The following STK33 variants were observed in gnomAD, a reference collection of about 807,000 sequenced individuals.
The protein encoded by STK33 is serine/threonine kinase 33.
Under a neutral mutation model 58.0 loss-of-function variants are expected in STK33, and 52 were observed. The observed-to-expected ratio is 0.90, with a 90% CI of 0.72 to 1.13. STK33 has a LOEUF of 1.13. Among genes scored for constraint, STK33 ranks in the 50% most tolerant of loss-of-function variants. The pLI is 0.00. For missense variants in STK33, 630 were observed against 604.2 expected, an observed-to-expected ratio of 1.04 and a Z score of -0.45; for synonymous variants, 215 against 200.1, an observed-to-expected ratio of 1.07 and a Z score of -0.63.
intron 1 of STK33, among the ~76,000 whole-genome samples, chr11:8,543,883 C>T (rs983152500): frequency 6.6e-6 from 1 of 151,976 alleles, no homozygotes; most frequent in African/African-American, 2.4e-5. Context: ...TATGTACTCA[C>T]AAAAATTAAA....
At chr11:8,347,943 A>G in the STK33 span, among the ~76,000 whole-genome samples, 3 of 152,178 alleles carry the variant, frequency 2.0e-5, no homozygotes, top group African/African-American at 7.2e-5. Flanking sequence ...CACTGCCTGG[A>G]TGGTGCATCC....
chr11:8,382,339 G>T, the STK33 span, among the ~76,000 whole-genome samples: 1 of 152,198 alleles, frequency 6.6e-6, no homozygotes, highest in Non-Finnish European at 1.5e-5. Flanking sequence ...GGGAGCAGAA[G>T]CCCTGGAAAT....
intron 1 of STK33, among the ~76,000 whole-genome samples, chr11:8,586,518 A>G (rs1304173675): frequency 3.3e-5 from 5 of 152,054 alleles, no homozygotes; most frequent in Non-Finnish European, 4.4e-5. Flanking sequence ...CACCTGCCTC[A>G]GGGGATTATA....
At chr11:8,426,635 G>T (rs1026839147) in intron 14 of STK33, among the ~76,000 whole-genome samples, 1 of 152,040 alleles carries the variant, frequency 6.6e-6, no homozygotes, top group Non-Finnish European at 1.5e-5. Flanking sequence ...TATTTATTTT[G>T]TGTTTTTTTC....
At chr11:8,493,162 G>C (rs1950768967) in intron 1 of STK33, among the ~76,000 whole-genome samples, 1 of 151,972 alleles carries the variant, frequency 6.6e-6, no homozygotes, top group Non-Finnish European at 1.5e-5. Context: ...TCTGGGAGCT[G>C]GTTTTTTGAA....
chr11:8,510,804 G>A (rs967355515), intron 1 of STK33, among the ~76,000 whole-genome samples: 1 of 152,082 alleles, frequency 6.6e-6, no homozygotes, highest in African/African-American at 2.4e-5. Flanking sequence ...TTGAAGGTCA[G>A]TTGGCTATAA....
intron 7 of STK33, among the ~76,000 whole-genome samples, chr11:8,462,410 T>TATAC (rs1565075892): frequency 2.1e-5 from 3 of 144,400 alleles, no homozygotes; most frequent in African/African-American, 7.7e-5. Flanking sequence ...TACATATATA[T>TATAC]ACACACACAT....
At chr11:8,452,272 T>C (rs1211375441) in intron 11 of STK33, among the ~76,000 whole-genome samples, 1 of 152,096 alleles carries the variant, frequency 6.6e-6, no homozygotes, top group Non-Finnish European at 1.5e-5. Context: ...ATAATTAAGT[T>C]TGGGGTATGA....
the STK33 span, among the ~76,000 whole-genome samples, chr11:8,372,041 T>G: frequency 6.6e-6 from 1 of 151,900 alleles, no homozygotes; most frequent in Non-Finnish European, 1.5e-5. Context: ...AGCTAATATT[T>G]TGATTTTTTG....
the STK33 span, among the ~76,000 whole-genome samples, chr11:8,374,271 C>T: frequency 1.1e-4 from 17 of 152,318 alleles, no homozygotes; most frequent in Admixed American, 9.8e-4. Flanking sequence ...CCCTCCCTAG[C>T]TCCCACCCCC....
At chr11:8,530,835 C>T (rs564048035) in intron 1 of STK33, among the ~76,000 whole-genome samples, 2 of 152,278 alleles carry the variant, frequency 1.3e-5, no homozygotes, top group African/African-American at 4.8e-5. Context: ...GGACCACAGG[C>T]GCCTGCCACC....
At chr11:8,501,292 T>G (rs1951496959) in intron 1 of STK33, among the ~76,000 whole-genome samples, 1 of 152,084 alleles carries the variant, frequency 6.6e-6, no homozygotes, top group Admixed American at 6.6e-5. Context: ...AATCATATAG[T>G]TAATGAGGGC....
the STK33 span, among the ~76,000 whole-genome samples, chr11:8,359,528 C>A: frequency 6.6e-6 from 1 of 152,228 alleles, no homozygotes; most frequent in Non-Finnish European, 1.5e-5. Flanking sequence ...CATGTCTTAA[C>A]AGCATGATGC....
chr11:8,592,438 T>C (rs769262047), intron 1 of STK33, among the ~76,000 whole-genome samples: 16 of 152,168 alleles, frequency 1.1e-4, no homozygotes, highest in Non-Finnish European at 1.9e-4. Flanking sequence ...TTTTTATCTG[T>C]GAAATTAGCA....
chr11:8,508,859 A>G (rs35789556), intron 1 of STK33, among the ~76,000 whole-genome samples: 40,242 of 152,090 alleles, frequency 0.26, 5,473 homozygotes, highest in South Asian at 0.34. Flanking sequence ...GCTCAAGCCT[A>G]TAATCCCAGC....
At chr11:8,387,535 C>G (rs1026395738), downstream of STK33, among the ~76,000 whole-genome samples, 1 of 152,152 alleles carries the variant, frequency 6.6e-6, no homozygotes, top group Non-Finnish European at 1.5e-5. Context: ...AACTGATACA[C>G]GTAACGTGCT....
chr11:8,413,492 T>C lies in STK33; in HGVS notation c.1344+3A>G, dbSNP rs775327765. ...GGAGAAATGCAGCAATGATTCTTCC[T>C]ACCTGTTTTTCCTCCTCTTCATCTG... On this transcript the variant is annotated splice_donor_region_variant and intron_variant, in intron 15 of 15. Transcript: ENST00000687296. The C allele has an allele frequency of 9.9e-6, 16 of 1,613,742 alleles. No individual in the cohort carries two copies. The highest frequency in any genetic ancestry group is 1.3e-5 in the Non-Finnish European group (15 of 1,179,780).
intron 6 of STK33, chr11:8,466,483 T>C (rs190993730): frequency 1.1e-4 from 16 of 152,370 alleles, no homozygotes; most frequent in African/African-American, 3.4e-4. Context: ...TTTGACTCCA[T>C]GTCTCACATC....
chr11:8,491,831 T>C (rs554925962), intron 1 of STK33, among the ~76,000 whole-genome samples: 3 of 152,320 alleles, frequency 2.0e-5, no homozygotes, highest in East Asian at 1.9e-4. Context: ...CAGAATTTCA[T>C]ATCCAGCCAA....
Sources: allele counts gnomAD v4.1 joint callset (sites outside exome capture counted in the v4.1 genomes callset), GRCh38; gene constraint gnomAD v4.1.1; transcripts MANE v1.5; gene names NCBI Gene and HGNC (gene_info 2026-07-23, HGNC 2026-07-21).